Variants in MTOR observed in about 807,000 individuals in gnomAD.
MTOR encodes the protein mechanistic target of rapamycin kinase.
A neutral mutation model predicts 319.8 loss-of-function variants in MTOR; 70 were observed. That is an observed-to-expected ratio of 0.22 (90% confidence interval 0.18 to 0.27). MTOR has a LOEUF of 0.27. Among genes scored for constraint, MTOR ranks in the 10% least tolerant of loss-of-function variants. The pLI, the probability that MTOR is intolerant of heterozygous loss-of-function variation, is 1.00. For synonymous variants in MTOR, 1,183 were observed against 1,211.4 expected, an observed-to-expected ratio of 0.98 and a Z score of 0.49; for missense variants, 1,890 against 3,274.4, an observed-to-expected ratio of 0.58 and a Z score of 10.32.
chr1:11,241,792 G>C (rs537549074), intron 9 of MTOR, 111 bp from the exon 10 acceptor site: 8 of 1,226,950 alleles, frequency 6.5e-6, no homozygotes, highest in Non-Finnish European at 9.2e-6. Flanking sequence ...GGCTACCACA[G>C]ATGGGTATGC....
At chr1:11,208,695 G>A (rs760626179) in intron 25 of MTOR, among the ~76,000 whole-genome samples, 4 of 152,230 alleles carry the variant, frequency 2.6e-5, no homozygotes, top group Non-Finnish European at 5.9e-5. Context: ...CTTTGAAACT[G>A]CCTGTTTTTA....
chr1:11,193,250 C>T (rs920165049), intron 28 of MTOR, among the ~76,000 whole-genome samples: 23 of 151,844 alleles, frequency 1.5e-4, no homozygotes, highest in South Asian at 6.2e-4. Context: ...GTGGAGGTTG[C>T]AGTGAGCCGA....
At position 11,107,194 on chromosome 1, in the gene MTOR, CTAA is replaced by C; in HGVS notation, c.*288_*290del. 7.2e-7 allele frequency: 1 copy of C among 1,391,632 alleles called. No individual in the cohort carries two copies. Among genetic ancestry groups the C allele is most frequent in the Non-Finnish European group, 9.4e-7 (1 of 1,059,704 alleles). The allele number at this position is 1,391,632 out of a possible 1,614,324, so 86.2% of individuals were successfully genotyped here. A position where few individuals can be genotyped will look rare whatever the true frequency, so the allele number is the denominator to read the frequency against. On this transcript the variant is annotated 3_prime_UTR_variant, in exon 58 of 58. Transcript: ENST00000361445. ...GTGAGTTAAGTCAAAACCCGTATTT[CTAA>C]AGTTATGGATCTTCTGTTCCCCAAA...
At chr1:11,216,126 C>A in intron 20 of MTOR, 22 bp downstream of exon 20, 1 of 1,581,084 alleles carries the variant, frequency 6.3e-7, no homozygotes, top group South Asian at 1.1e-5. Flanking sequence ...TGGAAGAGGC[C>A]AAAGCATTAA....
chr1:11,230,457 A>G (rs996438306), intron 18 of MTOR, among the ~76,000 whole-genome samples: 3 of 152,168 alleles, frequency 2.0e-5, no homozygotes, highest in African/African-American at 7.2e-5. Context: ...AGACCATTTC[A>G]CGGAAAAAAG....
chr1:11,246,250 T>G (rs771705276), intron 8 of MTOR, among the ~76,000 whole-genome samples: 6 of 152,222 alleles, frequency 3.9e-5, no homozygotes, highest in Non-Finnish European at 7.3e-5. Context: ...AGCCTTTGTA[T>G]CCTGCTGCTA....
intron 26 of MTOR, among the ~76,000 whole-genome samples, chr1:11,201,597 A>C (rs565012691): frequency 6.6e-6 from 1 of 152,364 alleles, no homozygotes; most frequent in South Asian, 2.1e-4. Context: ...ATTATAAATA[A>C]TTAATATCCA....
intron 19 of MTOR, among the ~76,000 whole-genome samples, chr1:11,219,018 G>C (rs1379405583): frequency 1.3e-5 from 2 of 152,096 alleles, no homozygotes; most frequent in Non-Finnish European, 2.9e-5. Flanking sequence ...AGACCAGCCT[G>C]AGCAACATGG....
In MTOR at chr1:11,150,200, T is replaced by A; in HGVS notation, c.4496A>T (p.Glu1499Val). 6.2e-7 allele frequency: 1 copy of A among 1,614,082 alleles called. No individual in the cohort carries two copies. The highest frequency in any genetic ancestry group is 8.5e-7 in the Non-Finnish European group (1 of 1,180,002). ...CTCATCATTAACCAGGGTCCACTTTTCACAGCACTGCTGGTGGAGTTGACC... is the reference window on the plus strand; with the variant it reads ...CTCATCATTAACCAGGGTCCACTTTACACAGCACTGCTGGTGGAGTTGACC... ...EWGQLHQQCC[E>V]KWTLVNDETQ... Residue 1499 changes from glutamate (E) to valine (V), a missense_variant, in exon 31 of 58, where the codon GAA (glutamate) becomes GTA (valine). Coordinates refer to ENST00000361445, the MANE Select transcript of MTOR (RefSeq NM_004958.4).
chr1:11,182,919 G>A (rs566189463), intron 28 of MTOR, among the ~76,000 whole-genome samples: 2 of 152,164 alleles, frequency 1.3e-5, no homozygotes, highest in African/African-American at 4.8e-5. Context: ...GGGGTAGTAC[G>A]CGGACACTCT....
intron 34 of MTOR, among the ~76,000 whole-genome samples, chr1:11,140,527 C>T (rs1414261721): frequency 6.6e-6 from 1 of 152,154 alleles, no homozygotes; most frequent in Non-Finnish European, 1.5e-5. Context: ...CGGTCCCCGG[C>T]CCCGGGTCTG....
At position 11,127,720 on chromosome 1, in the gene MTOR, C is replaced by G. The variant is rs778315964; in HGVS notation, c.6120G>C (p.Gly2040=). 6.2e-7 allele frequency: 1 copy of G among 1,614,148 alleles called. No individual in the cohort carries two copies. Among genetic ancestry groups the G allele is most frequent in the Non-Finnish European group, 8.5e-7 (1 of 1,180,034 alleles). The change falls in exon 44 of 58, where the codon GGG becomes GGC. Residue 2040 remains glycine (G), a synonymous_variant. Transcript: ENST00000361445. The surrounding 1 kb of genome is among the most constrained non-coding windows in gnomAD (Gnocchi z 5.5). ...GLEEASRLYF[G]ERNVKGMFEV... Reference sequence around the variant, plus strand: ...CAAACATGCCTTTCACGTTCCTTTCCCCAAAGTACAAACGAGATGCCTCTT... The same window carrying G: ...CAAACATGCCTTTCACGTTCCTTTCGCCAAAGTACAAACGAGATGCCTCTT...
intron 29 of MTOR, among the ~76,000 whole-genome samples, chr1:11,159,445 T>C (rs925197870): frequency 1.7e-4 from 26 of 152,208 alleles, no homozygotes; most frequent in Non-Finnish European, 1.2e-4. Context: ...AGTTTGAGAC[T>C]AGCCTGATCA....
chr1:11,182,794 G>C (rs763343007), intron 28 of MTOR, among the ~76,000 whole-genome samples: 1 of 152,140 alleles, frequency 6.6e-6, no homozygotes, highest in Non-Finnish European at 1.5e-5. Flanking sequence ...GCTGCACGTC[G>C]CAACAGCTTT....
Position 11,154,068 on chromosome 1 carries a change from CAAAAAAAAAAAAAAAAAAAAAA to C in MTOR, c.4469+3062_4469+3083del, listed in dbSNP as rs70977548. On this transcript the variant is annotated intron_variant, in intron 30 of 57. Coordinates refer to ENST00000361445, the MANE Select transcript of MTOR (RefSeq NM_004958.4). The stretch of plus-strand genomic sequence containing the variant: ...TGGGTGACAGAGTGAGACTCTGTCT[CAAAAAAAAAAAAAAAAAAAAAA>C]AAAAAAAAAAAAAGCCACATGTGGC... 7.7e-4 allele frequency among the ~76,000 whole-genome samples: 10 copies of C among 13,066 alleles called. 1 individual carries two copies. Among genetic ancestry groups the C allele is most frequent in the Admixed American group, 4.6e-3 (3 of 654 alleles). The allele number at this position is 13,066 out of a possible 152,430, so 8.6% of individuals were successfully genotyped here. A position where few individuals can be genotyped will look rare whatever the true frequency, so the allele number is the denominator to read the frequency against.
At chr1:11,189,480 A>G in intron 28 of MTOR, 1 of 1,381,108 alleles carries the variant, frequency 7.2e-7, no homozygotes, top group African/African-American at 1.4e-5. Context: ...TCAGAGTGAA[A>G]GCGTAAGGTT....
intron 47 of MTOR, among the ~76,000 whole-genome samples, chr1:11,124,178 C>A (rs1449357994): frequency 1.3e-5 from 2 of 151,948 alleles, no homozygotes; most frequent in Non-Finnish European, 1.5e-5. Context: ...GATCCTCCTA[C>A]CTTGGCATTA....
chr1:11,108,309 A>G (rs1391316114), intron 56 of MTOR, 23 bp from the exon 57 acceptor site: 5 of 1,573,498 alleles, frequency 3.2e-6, no homozygotes, highest in Non-Finnish European at 3.5e-6. Flanking sequence ...GAACAAAAAC[A>G]TTTCACTCTC....
rs747944143 is a variant in MTOR, at chr1:11,130,481, G to A, written c.5613+48C>T. The A allele has an allele frequency of 3.8e-6, 6 of 1,585,474 alleles. 1 individual carries two copies. In the South Asian group the frequency reaches 4.6e-5, roughly 12 times the overall value. On this transcript the variant is annotated intron_variant, in intron 39 of 57. Coordinates refer to ENST00000361445, the MANE Select transcript of MTOR (RefSeq NM_004958.4). Reference sequence around the variant, plus strand: ...CTTAACAACGATTCCATTTCTCAGAGAGCCTGGCACCTTGGTTGGTTGTTA... The same window carrying A: ...CTTAACAACGATTCCATTTCTCAGAAAGCCTGGCACCTTGGTTGGTTGTTA...
Sources: gnomAD v4.1 joint callset for allele counts (sites outside exome capture counted in the v4.1 genomes callset) on GRCh38, gnomAD v4.1.1 for gene constraint, Gnocchi (gnomAD v3.1) non-coding constraint, MANE v1.5 for transcripts, NCBI Gene and HGNC (gene_info 2026-07-23, HGNC 2026-07-21) for gene names.